The following CKM variants were observed in gnomAD, a reference collection of about 807,000 sequenced individuals.
CKM encodes the protein creatine kinase, M-type, also known as creatine kinase M-type.
In CKM, 28 loss-of-function variants were observed where a neutral mutation model predicts 35.4. The observed-to-expected ratio is 0.79, with a 90% CI of 0.59 to 1.08. The LOEUF is 1.08. Ranked by LOEUF, CKM falls within the 50% of genes least tolerant of loss-of-function variation. The pLI is 0.00. For missense variants in CKM, 484 were observed against 509.8 expected (o/e 0.95, Z 0.49); for synonymous variants, 215 against 204.4 (o/e 1.05, Z -0.44).
intron 2 of CKM, among the ~76,000 whole-genome samples, chr19:45,318,786 C>CA (rs1971183630): frequency 6.6e-6 from 1 of 152,104 alleles, no homozygotes; most frequent in African/African-American, 2.4e-5. Flanking sequence ...AGAGCCTCCC[C>CA]TCCACTCCCA....
In CKM at chr19:45,319,523, G is replaced by A; in HGVS notation, c.191C>T (p.Pro64Leu). 1.2e-6 allele frequency: 2 copies of A among 1,613,662 alleles called. No homozygotes were observed. Among genetic ancestry groups the A allele is most frequent in the Non-Finnish European group, 1.7e-6 (2 of 1,179,758 alleles). The change falls in exon 2 of 8, where the codon CCA (proline) becomes CTA (leucine). Residue 64 changes from proline to leucine, a missense_variant and splice_region_variant. Pro to Leu is a moderately conservative substitution (Grantham distance 98). Coordinates refer to ENST00000221476, the MANE Select transcript of CKM (RefSeq NM_001824.5). The part of the protein sequence containing the change: ...DDVIQTGVDN[P>L]GHPFIMTVGC... ...AGTGCTCCACTGGGGAGGCTCACCT[G>A]GGTTGTCCACTCCTGTCTGGATGAC...
chr19:45,315,288 A>G (rs1209270859), intron 4 of CKM, among the ~76,000 whole-genome samples, 177 bp downstream of exon 4: 2 of 152,098 alleles, frequency 1.3e-5, no homozygotes, highest in Non-Finnish European at 2.9e-5. Context: ...AGCATCCCTG[A>G]ATCTCCAACA....
chr19:45,319,428 C>A, intron 2 of CKM, 93 bp downstream of exon 2: 1 of 983,986 alleles, frequency 1.0e-6, no homozygotes, highest in Admixed American at 2.1e-5. Flanking sequence ...AAACTGAGGC[C>A]CCCCCCCCTT....
At chr19:45,307,426 C>T in intron 7 of CKM, 35 bp downstream of exon 7, 1 of 1,605,468 alleles carries the variant, frequency 6.2e-7, no homozygotes, top group Non-Finnish European at 8.5e-7. Context: ...CCTCGCTCCC[C>T]CTCCGTCGTG....
chr19:45,318,354 C>T (rs1045248418), intron 2 of CKM, among the ~76,000 whole-genome samples: 4 of 151,316 alleles, frequency 2.6e-5, no homozygotes, highest in African/African-American at 9.7e-5. Context: ...TTGCAGTGAG[C>T]CAAGATCACA....
intron 3 of CKM, among the ~76,000 whole-genome samples, chr19:45,317,590 C>CTTTTTT (rs758467617): frequency 6.9e-6 from 1 of 144,658 alleles, no homozygotes. Context: ...GTGCCCAGCC[C>CTTTTTT]TTTTTTTTTT....
chr19:45,310,809 C>A lies in CKM; in HGVS notation c.653+940G>T, dbSNP rs1243333567. 2.5e-5 allele frequency among the ~76,000 whole-genome samples: 3 copies of A among 120,630 alleles called. No homozygotes were observed. In the South Asian group the frequency reaches 8.6e-4, roughly 35 times the overall value. 79.1% of individuals were successfully genotyped at this position (120,630 alleles called of 152,430 possible). ...TTTTTTTTGAGACGGAGTCTCCTGT[C>A]GCCCAGGCTGGAGTGCAGTGGCACG... is the stretch of plus-strand genomic sequence containing the variant. On this transcript the variant is annotated intron_variant, in intron 5 of 7. Transcript: ENST00000221476.
intron 4 of CKM, among the ~76,000 whole-genome samples, chr19:45,313,590 T>C (rs1198527513): frequency 6.6e-6 from 1 of 152,246 alleles, no homozygotes; most frequent in African/African-American, 2.4e-5. Flanking sequence ...CTCACGCCTG[T>C]AATCCTAGTG....
intron 2 of CKM, among the ~76,000 whole-genome samples, 168 bp downstream of exon 2, chr19:45,319,353 C>T (rs1375979130): frequency 6.6e-6 from 1 of 152,172 alleles, no homozygotes; most frequent in Non-Finnish European, 1.5e-5. Flanking sequence ...GTACCTCGCA[C>T]TGTCCCAAGC....
In CKM at chr19:45,317,810, T is replaced by C; in HGVS notation, c.348+15A>G. ...TCCTCACCCCTCGGCCCTCCCCTCC[T>C]GCGCAGACACCGACCTTGAGGTTTT... On this transcript the variant is annotated intron_variant, in intron 3 of 7. Coordinates refer to ENST00000221476, the MANE Select transcript of CKM (RefSeq NM_001824.5). 1 of 1,613,950 alleles carries C rather than the reference T, an allele frequency of 6.2e-7. No homozygotes were observed. Among genetic ancestry groups the C allele is most frequent in the Non-Finnish European group, 8.5e-7 (1 of 1,179,932 alleles).
intron 1 of CKM, among the ~76,000 whole-genome samples, 152 bp from the exon 2 acceptor site, chr19:45,319,883 T>C (rs1387846353): frequency 1.4e-5 from 2 of 147,880 alleles, no homozygotes; most frequent in Admixed American, 6.7e-5. Flanking sequence ...CTCCACCTCC[T>C]GGGTTCACAC....
chr19:45,317,334 C>G (rs886408426), intron 3 of CKM, among the ~76,000 whole-genome samples: 1 of 152,194 alleles, frequency 6.6e-6, no homozygotes, highest in Admixed American at 6.5e-5. Flanking sequence ...GTTGCCCAGG[C>G]TGGAGTGCAA....
intron 4 of CKM, among the ~76,000 whole-genome samples, chr19:45,314,043 A>AGAAG (rs947332825): frequency 2.7e-5 from 4 of 147,730 alleles, no homozygotes; most frequent in Admixed American, 2.0e-4. Context: ...AGAGAGAAAG[A>AGAAG]GAAGGAAGGA....
intron 4 of CKM, 26 bp from the exon 5 acceptor site, chr19:45,311,946 C>A: frequency 6.2e-7 from 1 of 1,612,620 alleles, no homozygotes; most frequent in South Asian, 1.1e-5. Flanking sequence ...AGGGAGTGGT[C>A]AGCAGCCTGT....
Position 45,320,363 on chromosome 19 carries a change from C to T in CKM, c.-18-632G>A, listed in dbSNP as rs887616618. ...CCACCCGCCTCGGCCTCCCAAAGTG[C>T]TGGGATTACAGGCGTGAGCCACTGT... On this transcript the variant is annotated intron_variant, in intron 1 of 7. Transcript: ENST00000221476. Among the ~76,000 whole-genome samples the T allele has an allele frequency of 1.1e-4, 16 of 152,334 alleles. No individual in the cohort carries two copies. The South Asian group carries it at 1.7e-3, about 16-fold the overall frequency.
chr19:45,309,886 G>A (rs1331276308), intron 5 of CKM, among the ~76,000 whole-genome samples: 5 of 151,926 alleles, frequency 3.3e-5, no homozygotes, highest in Non-Finnish European at 7.4e-5. Context: ...AAATAAATGA[G>A]TGGAATCTTA....
chr19:45,315,276 A>G (rs1467093676), intron 4 of CKM, among the ~76,000 whole-genome samples, 189 bp downstream of exon 4: 1 of 152,068 alleles, frequency 6.6e-6, no homozygotes, highest in Non-Finnish European at 1.5e-5. Context: ...TCGGGTCTGG[A>G]CAGCATCCCT....
intron 4 of CKM, among the ~76,000 whole-genome samples, chr19:45,312,317 C>T (rs17875654): frequency 0.019 from 2,965 of 152,222 alleles, 47 homozygotes; most frequent in Non-Finnish European, 0.03. Flanking sequence ...TAGCCAGGTG[C>T]ACTGGCACGA....
intron 3 of CKM, among the ~76,000 whole-genome samples, chr19:45,315,849 C>CTTTTTTTTTTTTTTTTTTTTT (rs376961493): frequency 7.4e-6 from 1 of 135,620 alleles, no homozygotes. Flanking sequence ...ATTTCTTTTC[C>CTTTTTTTTTTTTTTTTTTTTT]TTTTTTTTCT....
Sources: allele counts gnomAD v4.1 joint callset (sites outside exome capture counted in the v4.1 genomes callset), GRCh38; gene constraint gnomAD v4.1.1; transcripts MANE v1.5; gene names NCBI Gene and HGNC (gene_info 2026-07-23, HGNC 2026-07-21).